CDC14A: variants seen among roughly 807,000 people sequenced by gnomAD.
CDC14A encodes the protein cell division cycle 14A, also known as dual specificity protein phosphatase CDC14A.
A neutral mutation model predicts 74.4 loss-of-function variants in CDC14A; 53 were observed. The observed-to-expected ratio is 0.71, with a 90% CI of 0.57 to 0.89. CDC14A has a LOEUF of 0.89. Ranked by LOEUF, CDC14A falls within the 40% of genes least tolerant of loss-of-function variation. The pLI, the probability that CDC14A is intolerant of heterozygous loss-of-function variation, is 0.00. For missense variants in CDC14A, 646 were observed against 713.7 expected, an observed-to-expected ratio of 0.91 and a Z score of 1.08; for synonymous variants, 247 against 258.4, an observed-to-expected ratio of 0.96 and a Z score of 0.43.
intron 10 of CDC14A, among the ~76,000 whole-genome samples, chr1:100,481,407 G>C (rs1571304985): frequency 6.6e-6 from 1 of 152,178 alleles, no homozygotes. Flanking sequence ...GCCACACACA[G>C]AAGCCTGCAC....
chr1:100,452,755 C>T (rs1325430723), intron 7 of CDC14A, among the ~76,000 whole-genome samples: 1 of 152,024 alleles, frequency 6.6e-6, no homozygotes, highest in Non-Finnish European at 1.5e-5. Flanking sequence ...AGGTAGTAGG[C>T]TTTAGATCAG....
chr1:100,347,590 G>A (rs1240206750), upstream of CDC14A, among the ~76,000 whole-genome samples: 1 of 151,936 alleles, frequency 6.6e-6, no homozygotes, highest in Admixed American at 6.6e-5. Context: ...ATCTATTTTT[G>A]GTATTCTGGT....
chr1:100,512,672 C>G (rs1366654345), intron 15 of CDC14A, among the ~76,000 whole-genome samples: 3 of 152,102 alleles, frequency 2.0e-5, no homozygotes. Context: ...AAAAAAGAAT[C>G]TATTAAAAAT....
chr1:100,361,295 T>A (rs1393749140), intron 2 of CDC14A, among the ~76,000 whole-genome samples: 1 of 152,072 alleles, frequency 6.6e-6, no homozygotes, highest in Non-Finnish European at 1.5e-5. Flanking sequence ...TACTAATGCT[T>A]TGGAGATATG....
chr1:100,416,291 A>C (rs1385218069), intron 4 of CDC14A, among the ~76,000 whole-genome samples: 3 of 152,328 alleles, frequency 2.0e-5, no homozygotes, highest in Non-Finnish European at 4.4e-5. Context: ...TGTTCATGAG[A>C]CATTCAAATA....
At chr1:100,397,289 G>A (rs1658642632) in intron 4 of CDC14A, among the ~76,000 whole-genome samples, 2 of 152,114 alleles carry the variant, frequency 1.3e-5, no homozygotes, top group South Asian at 4.1e-4. Context: ...TTCACCCCCT[G>A]CATTGTGACA....
intron 7 of CDC14A, among the ~76,000 whole-genome samples, chr1:100,443,405 G>T (rs1665181416): frequency 1.3e-5 from 2 of 152,002 alleles, no homozygotes; most frequent in Admixed American, 1.3e-4. Context: ...CACAATCTCG[G>T]ATCACTGCAA....
rs947032052 is a variant in CDC14A at position 100,410,376 on chromosome 1, C to T, written c.310-13846C>T. Among the ~76,000 whole-genome samples the T allele has an allele frequency of 1.2e-4, 19 of 152,150 alleles. No individual in the cohort carries two copies. In the East Asian group the frequency reaches 1.5e-3, roughly 12 times the overall value. On this transcript the variant is annotated intron_variant, in intron 4 of 15. Coordinates refer to ENST00000336454, the MANE Select transcript of CDC14A (RefSeq NM_003672.4). ...TTGCTCTGTTGCCCAGGCTGGTGTG[C>T]GGTGGCACAATCTCAGCTCACTGAA...
In CDC14A at chr1:100,518,774, T is replaced by G. The variant is rs1015790846; in HGVS notation, c.*494T>G. ...TATGGTTTTGTCTCTAATGAATAAA[T>G]AATTCCTTCTTATTAAGAAGAAGTA... On this transcript the variant is annotated 3_prime_UTR_variant, in exon 16 of 16. Transcript: ENST00000336454. 5 of 152,636 alleles carry G rather than the reference T, an allele frequency of 3.3e-5. No individual in the cohort carries two copies. The highest frequency in any genetic ancestry group is 1.2e-4 in the African/African-American group (5 of 41,452). 9.5% of individuals were successfully genotyped at this position (152,636 alleles called of 1,614,324 possible). A position where few individuals can be genotyped will look rare whatever the true frequency, so the allele number is the denominator to read the frequency against.
chr1:100,411,443 A>G (rs946816056), intron 4 of CDC14A, among the ~76,000 whole-genome samples: 1 of 152,224 alleles, frequency 6.6e-6, no homozygotes, highest in East Asian at 1.9e-4. Context: ...ACAAGAATGA[A>G]AGGAATCTCC....
intron 10 of CDC14A, among the ~76,000 whole-genome samples, chr1:100,470,355 A>T (rs867030286): frequency 1.3e-5 from 2 of 152,044 alleles, no homozygotes; most frequent in Non-Finnish European, 2.9e-5. Flanking sequence ...TTTAATGGTG[A>T]TGCTTTTCCT....
chr1:100,452,465 C>T (rs917934523), intron 7 of CDC14A, among the ~76,000 whole-genome samples: 9 of 152,036 alleles, frequency 5.9e-5, no homozygotes, highest in African/African-American at 9.7e-5. Context: ...GAGCTGAGAT[C>T]GCACCGTTGC....
At chr1:100,353,109 C>A in intron 1 of CDC14A, 106 bp downstream of exon 1, 1 of 1,234,458 alleles carries the variant, frequency 8.1e-7, no homozygotes, top group Non-Finnish European at 1.2e-6. Context: ...GTCCTGCAGC[C>A]GCTGCGCGCG....
intron 15 of CDC14A, among the ~76,000 whole-genome samples, chr1:100,505,880 C>T (rs1221528340): frequency 1.3e-4 from 20 of 152,100 alleles, no homozygotes; most frequent in Admixed American, 1.3e-3. Context: ...TGCGTGAGTC[C>T]TCAGGAAGCT....
At chr1:100,386,662 G>A (rs1214880810) in intron 3 of CDC14A, among the ~76,000 whole-genome samples, 1 of 152,176 alleles carries the variant, frequency 6.6e-6, no homozygotes. Flanking sequence ...CAGGCATGGT[G>A]ACACCTTCCT....
At chr1:100,384,042 T>G (rs1350051327) in intron 3 of CDC14A, among the ~76,000 whole-genome samples, 1 of 152,198 alleles carries the variant, frequency 6.6e-6, no homozygotes, top group Non-Finnish European at 1.5e-5. Context: ...AGCTATTTGT[T>G]ATTTGTGCAG....
chr1:100,373,070 G>C (rs912258591), intron 2 of CDC14A, among the ~76,000 whole-genome samples: 1 of 152,216 alleles, frequency 6.6e-6, no homozygotes. Context: ...TTTGGAGCAA[G>C]AGGCCTAGCT....
intron 9 of CDC14A, among the ~76,000 whole-genome samples, chr1:100,466,951 G>A (rs1439950632): frequency 1.3e-5 from 2 of 151,308 alleles, no homozygotes; most frequent in African/African-American, 2.4e-5. Context: ...GTTTTAGTGG[G>A]ATGAAAAACT....
intron 7 of CDC14A, among the ~76,000 whole-genome samples, chr1:100,443,819 GAAGCAGAGTA>G (rs1013235593): frequency 3.9e-5 from 6 of 152,156 alleles, no homozygotes; most frequent in African/African-American, 7.2e-5. Context: ...AGGAGATGTT[GAAGCAGAGTA>G]GGATAAGGAG....
Sources: gnomAD v4.1 joint callset for allele counts (sites outside exome capture counted in the v4.1 genomes callset) on GRCh38, gnomAD v4.1.1 for gene constraint, MANE v1.5 for transcripts, NCBI Gene and HGNC (gene_info 2026-07-23, HGNC 2026-07-21) for gene names.